Variants in ZNF292 observed in about 807,000 individuals in gnomAD.
The protein encoded by ZNF292 is 16 zinc-finger domain protein.
Under a neutral mutation model 217.9 loss-of-function variants are expected in ZNF292, and 26 were observed. The ratio of observed to expected loss-of-function variants is 0.12; its 90% CI spans 0.09 to 0.17. ZNF292 has a LOEUF of 0.17. Among genes scored for constraint, ZNF292 ranks in the 10% least tolerant of loss-of-function variants. The pLI is 1.00. For missense variants in ZNF292, 2,904 were observed against 3,175.2 expected (o/e 0.91, Z 2.05); for synonymous variants, 1,257 against 1,124.1 (o/e 1.12, Z -2.37).
At position 87,259,018 on chromosome 6, in the gene ZNF292, T is replaced by G; in HGVS notation, c.5389T>G (p.Ser1797Ala). 1.2e-6 allele frequency: 2 copies of G among 1,613,562 alleles called. No homozygotes were observed. The highest frequency in any genetic ancestry group is 1.7e-6 in the Non-Finnish European group (2 of 1,179,696). ...AQINYNIQLP[S>A]VNTVQNNKLP... ...AATAAATTATAACATTCAGCTTCCT[T>G]CAGTAAACACTGTGCAAAATAACAA... The change falls in exon 8 of 8, where the codon TCA becomes GCA. Residue 1797 changes from serine to alanine, a missense_variant. Around this residue, in one of 15 missense-constraint regions of ZNF292, gnomAD observed 622 missense variants for 573.1 expected, o/e 1.09. Coordinates refer to ENST00000369577, the MANE Select transcript of ZNF292 (RefSeq NM_015021.3).
At position 87,259,797 on chromosome 6, in the gene ZNF292, T is replaced by C. The variant is rs1168913234; in HGVS notation, c.6168T>C (p.Ser2056=). The change falls in exon 8 of 8, where the codon TCT becomes TCC. Residue 2056 remains serine (S), a synonymous_variant. Coordinates refer to ENST00000369577, the MANE Select transcript of ZNF292 (RefSeq NM_015021.3). The part of the protein sequence containing the change: ...EKKSPDKTES[S]LQVITVTSEQ... The stretch of plus-strand genomic sequence containing the variant: ...AAAGTCCTGACAAAACAGAAAGTTC[T>C]TTACAAGTGATTACAGTTACTTCAG... The C allele has an allele frequency of 1.2e-6, 2 of 1,608,260 alleles. No homozygotes were observed. Among genetic ancestry groups the C allele is most frequent in the Non-Finnish European group, 1.7e-6 (2 of 1,177,088 alleles).
rs144532399 is a variant in ZNF292 at position 87,237,081 on chromosome 6, A to C, written c.741+3554A>C. On this transcript the variant is annotated intron_variant, in intron 5 of 7. Transcript: ENST00000369577. Reference sequence around the variant, plus strand: ...ATTTATGTTTCCAAAAACAGTGTGAAATATCTTCTTAGAGATTATTAGTCT... The same window carrying C: ...ATTTATGTTTCCAAAAACAGTGTGACATATCTTCTTAGAGATTATTAGTCT... Among the ~76,000 whole-genome samples, 23 of 152,344 alleles carry C rather than the reference A, an allele frequency of 1.5e-4. No homozygotes were observed. In the East Asian group the frequency reaches 4.4e-3, roughly 29 times the overall value.
chr6:87,248,379 TC>T (rs1758316362), intron 7 of ZNF292, among the ~76,000 whole-genome samples: 1 of 152,214 alleles, frequency 6.6e-6, no homozygotes. Context: ...AATCCTGCTT[TC>T]CAGTTTTTCC....
intron 5 of ZNF292, 91 bp from the exon 6 acceptor site, chr6:87,243,384 A>C: frequency 9.0e-7 from 1 of 1,109,526 alleles, no homozygotes; most frequent in Non-Finnish European, 1.2e-6. Context: ...CATAAAAACT[A>C]TCTAAATATT....
At chr6:87,241,143 G>A (rs1306719855) in intron 5 of ZNF292, among the ~76,000 whole-genome samples, 1 of 152,108 alleles carries the variant, frequency 6.6e-6, no homozygotes, top group East Asian at 1.9e-4. Flanking sequence ...CATTAGCTGG[G>A]CGTGGTGGCA....
chr6:87,232,157 G>C (rs1483809798), intron 4 of ZNF292, among the ~76,000 whole-genome samples: 1 of 152,194 alleles, frequency 6.6e-6, no homozygotes, highest in Middle Eastern at 3.4e-3. Context: ...TCAAGAAAAG[G>C]ATTAGATTTG....
At chr6:87,204,368 A>G (rs1022825337) in intron 1 of ZNF292, among the ~76,000 whole-genome samples, 2 of 152,094 alleles carry the variant, frequency 1.3e-5, no homozygotes, top group African/African-American at 4.8e-5. Flanking sequence ...GGGAGAATGT[A>G]CTTGTTTGTA....
At chr6:87,238,686 T>C (rs1252716453) in intron 5 of ZNF292, among the ~76,000 whole-genome samples, 3 of 148,276 alleles carry the variant, frequency 2.0e-5, no homozygotes, top group Non-Finnish European at 4.4e-5. Context: ...TTTTGATTTA[T>C]ATATTTTTTT....
At chr6:87,234,550 C>T (rs905978310) in intron 5 of ZNF292, among the ~76,000 whole-genome samples, 2 of 149,840 alleles carry the variant, frequency 1.3e-5, no homozygotes, top group African/African-American at 4.9e-5. Flanking sequence ...CAGTGTGAGA[C>T]TCTGTCGCAA....
chr6:87,178,222 GTTTC>G (rs141103016), intron 1 of ZNF292, among the ~76,000 whole-genome samples: 94,663 of 151,336 alleles, frequency 0.63, 31,047 homozygotes, highest in African/African-American at 0.83. Context: ...TTATGATTGT[GTTTC>G]TTTCTTCTAC....
chr6:87,180,304 A>G (rs1173590360), intron 1 of ZNF292, among the ~76,000 whole-genome samples: 1 of 152,230 alleles, frequency 6.6e-6, no homozygotes, highest in African/African-American at 2.4e-5. Flanking sequence ...TTGTGAGTGG[A>G]GAGTGCTGGA....
chr6:87,210,380 A>G (rs958558664), intron 1 of ZNF292, among the ~76,000 whole-genome samples: 2 of 152,204 alleles, frequency 1.3e-5, no homozygotes, highest in Non-Finnish European at 2.9e-5. Flanking sequence ...AGAGGGGACA[A>G]TAATGAAAAA....
chr6:87,192,574 G>A (rs948426109), intron 1 of ZNF292, among the ~76,000 whole-genome samples: 1 of 152,062 alleles, frequency 6.6e-6, no homozygotes, highest in South Asian at 2.1e-4. Context: ...ACTTAGGTTT[G>A]TGCCCTTCCG....
intron 1 of ZNF292, among the ~76,000 whole-genome samples, chr6:87,203,500 A>G (rs978385208): frequency 6.6e-6 from 1 of 151,904 alleles, no homozygotes; most frequent in African/African-American, 2.4e-5. Context: ...TAGGCCCAAA[A>G]TACATTTAAA....
At chr6:87,196,561 A>G (rs1469378241) in intron 1 of ZNF292, among the ~76,000 whole-genome samples, 1 of 152,248 alleles carries the variant, frequency 6.6e-6, no homozygotes, top group Non-Finnish European at 1.5e-5. Context: ...CTTACTGATC[A>G]TGATGCACAT....
At chr6:87,250,771 A>G (rs970844783) in intron 7 of ZNF292, among the ~76,000 whole-genome samples, 1 of 152,198 alleles carries the variant, frequency 6.6e-6, no homozygotes, top group Non-Finnish European at 1.5e-5. Context: ...ATTGGAGCAG[A>G]TGGCTTGGGA....
At chr6:87,239,234 C>T (rs1355978897) in intron 5 of ZNF292, among the ~76,000 whole-genome samples, 22 of 152,310 alleles carry the variant, frequency 1.4e-4, no homozygotes, top group African/African-American at 5.3e-4. Context: ...CAGAGGGGCT[C>T]CTCAATTCCC....
chr6:87,201,901 G>T (rs188085435), intron 1 of ZNF292, among the ~76,000 whole-genome samples: 1 of 152,266 alleles, frequency 6.6e-6, no homozygotes, highest in East Asian at 1.9e-4. Flanking sequence ...TCACATATAT[G>T]TAATTCTGTT....
At chr6:87,181,848 A>AT (rs150862987) in intron 1 of ZNF292, among the ~76,000 whole-genome samples, 6 of 151,170 alleles carry the variant, frequency 4.0e-5, no homozygotes, top group Admixed American at 6.6e-5. Flanking sequence ...CACCCAGCTA[A>AT]TTTTTTTTTA....
Sources: gnomAD v4.1 joint callset for allele counts (sites outside exome capture counted in the v4.1 genomes callset) on GRCh38, gnomAD v4.1.1 for gene constraint, gnomAD v4.1.1 regional missense constraint, MANE v1.5 for transcripts, NCBI Gene and HGNC (gene_info 2026-07-23, HGNC 2026-07-21) for gene names.